The following TMC1 variants were observed in gnomAD, a reference collection of about 807,000 sequenced individuals.
The protein encoded by TMC1 is transmembrane channel like 1, also known as transmembrane channel-like protein 1.
In TMC1, 84 loss-of-function variants were observed where a neutral mutation model predicts 105.8. The ratio of observed to expected loss-of-function variants is 0.79; its 90% CI spans 0.67 to 0.95. TMC1 has a LOEUF of 0.95. Ranked by LOEUF, TMC1 falls within the 40% of genes least tolerant of loss-of-function variation. The probability of loss-of-function intolerance (pLI) is 0.00; values close to 1 mark genes in which losing one functional copy is unlikely to be tolerated. For synonymous variants in TMC1, 315 were observed against 311.5 expected (o/e 1.01, Z -0.12); for missense variants, 817 against 914.1 (o/e 0.89, Z 1.37).
At chr9:72,799,247 T>G (rs1564562902) in intron 17 of TMC1, among the ~76,000 whole-genome samples, 2 of 152,188 alleles carry the variant, frequency 1.3e-5, no homozygotes, top group Admixed American at 1.3e-4. Context: ...ATAAAGCTTC[T>G]GTATGTTAGA....
intron 12 of TMC1, among the ~76,000 whole-genome samples, chr9:72,755,905 C>T (rs1051248464): frequency 3.3e-5 from 5 of 152,122 alleles, no homozygotes; most frequent in East Asian, 1.9e-4. Context: ...CTTTTCAGCC[C>T]GTAATCTAGT....
At chr9:72,794,534 C>G (rs769364874) in intron 17 of TMC1, among the ~76,000 whole-genome samples, 1 of 152,210 alleles carries the variant, frequency 6.6e-6, no homozygotes, top group African/African-American at 2.4e-5. Context: ...ACATACCCCC[C>G]TCTGAAACCA....
chr9:72,747,135 T>G (rs894625399), intron 10 of TMC1, among the ~76,000 whole-genome samples: 1 of 152,176 alleles, frequency 6.6e-6, no homozygotes, highest in Non-Finnish European at 1.5e-5. Flanking sequence ...GAAACCTATT[T>G]TTTTTCAGAC....
intron 1 of TMC1, among the ~76,000 whole-genome samples, chr9:72,549,476 T>C (rs1483084814): frequency 1.3e-5 from 2 of 152,044 alleles, no homozygotes; most frequent in Non-Finnish European, 1.5e-5. Context: ...TGAGTCTCAC[T>C]CTGTCACCCA....
chr9:72,621,305 T>C (rs1442279223), intron 3 of TMC1, among the ~76,000 whole-genome samples: 1 of 152,198 alleles, frequency 6.6e-6, no homozygotes, highest in African/African-American at 2.4e-5. Context: ...TCTCAGGGGA[T>C]CAAGCTACTA....
At chr9:72,730,187 G>A (rs1827186808) in intron 8 of TMC1, among the ~76,000 whole-genome samples, 1 of 152,194 alleles carries the variant, frequency 6.6e-6, no homozygotes, top group African/African-American at 2.4e-5. Flanking sequence ...CCACCTTCTA[G>A]ACAGAAAGGT....
chr9:72,800,838 G>C (rs1172948281), intron 17 of TMC1, among the ~76,000 whole-genome samples: 6 of 152,138 alleles, frequency 3.9e-5, no homozygotes. Flanking sequence ...TGATTAGGCA[G>C]ATGGAATCTC....
At chr9:72,645,519 GGAT>G (rs1825695916) in intron 4 of TMC1, among the ~76,000 whole-genome samples, 1 of 152,100 alleles carries the variant, frequency 6.6e-6, no homozygotes, top group African/African-American at 2.4e-5. Flanking sequence ...ACAGTTTTTT[GGAT>G]GTTCAAGGCA....
intron 5 of TMC1, among the ~76,000 whole-genome samples, chr9:72,674,249 A>C (rs1336803050): frequency 2.6e-5 from 4 of 152,226 alleles, no homozygotes; most frequent in Non-Finnish European, 5.9e-5. Context: ...TCAATACCTC[A>C]ATAGGCTTTT....
intron 1 of TMC1, among the ~76,000 whole-genome samples, chr9:72,543,643 C>T (rs1413041856): frequency 6.6e-6 from 1 of 152,126 alleles, no homozygotes; most frequent in Non-Finnish European, 1.5e-5. Flanking sequence ...ATTAGCTGGG[C>T]ATGGTGGTGG....
At chr9:72,644,823 A>G (rs1825683958) in intron 4 of TMC1, among the ~76,000 whole-genome samples, 2 of 152,206 alleles carry the variant, frequency 1.3e-5, no homozygotes, top group Non-Finnish European at 2.9e-5. Context: ...GCATCAAAGT[A>G]AATGTGTACT....
chr9:72,787,899 G>T (rs1231277724), intron 13 of TMC1, among the ~76,000 whole-genome samples: 1 of 152,072 alleles, frequency 6.6e-6, no homozygotes, highest in East Asian at 1.9e-4. Context: ...CCATCCAGAG[G>T]CTTCAGATGG....
At chr9:72,821,145 CATTCATTGT>C in intron 20 of TMC1, 64 bp downstream of exon 20, 1 of 1,608,110 alleles carries the variant, frequency 6.2e-7, no homozygotes, top group Non-Finnish European at 8.5e-7. Context: ...TGGGAATGGT[CATTCATTGT>C]ATAAGCTATT....
At chr9:72,605,292 G>A (rs1242060861) in intron 2 of TMC1, among the ~76,000 whole-genome samples, 6 of 152,186 alleles carry the variant, frequency 3.9e-5, no homozygotes, top group African/African-American at 9.6e-5. Context: ...AAATTTCTGG[G>A]GATGAGGAAT....
chr9:72,832,203 T>C (rs1337479601), intron 23 of TMC1, among the ~76,000 whole-genome samples: 2 of 152,132 alleles, frequency 1.3e-5, no homozygotes, highest in Non-Finnish European at 2.9e-5. Flanking sequence ...CTTCTCTTTT[T>C]GGCCTCCCAA....
At chr9:72,700,052 G>A (rs1321860818) in intron 7 of TMC1, among the ~76,000 whole-genome samples, 3 of 147,252 alleles carry the variant, frequency 2.0e-5, no homozygotes, top group East Asian at 2.0e-4. Flanking sequence ...TCAGGAGTTC[G>A]AGACCAGCCT....
Position 72,629,872 on chromosome 9 carries a change from T to G in TMC1, c.-53+1809T>G, listed in dbSNP as rs550893931. On this transcript the variant is annotated intron_variant, in intron 4 of 23. Coordinates refer to ENST00000297784, the MANE Select transcript of TMC1 (RefSeq NM_138691.3). ...GTTTTGGGGTATCTGTCTTTTTATT[T>G]TTTATTTTTTTGAGGTGGAGTCTCA... is the stretch of plus-strand genomic sequence containing the variant. Among the ~76,000 whole-genome samples, 18 of 152,224 alleles carry G rather than the reference T, an allele frequency of 1.2e-4. No individual in the cohort carries two copies. In the South Asian group the frequency reaches 2.3e-3, roughly 19 times the overall value.
chr9:72,806,550 A>G (rs199542608), intron 18 of TMC1, among the ~76,000 whole-genome samples: 22,724 of 133,016 alleles, frequency 0.17, 2,071 homozygotes, highest in African/African-American at 0.22. Flanking sequence ...CAGACGGGGC[A>G]GTTGCCGGGC....
intron 5 of TMC1, among the ~76,000 whole-genome samples, chr9:72,657,352 G>C (rs1825900718): frequency 6.6e-6 from 1 of 152,178 alleles, no homozygotes; most frequent in African/African-American, 2.4e-5. Context: ...CCTGAAGAAA[G>C]ATGTTTCATA....
Sources: allele counts gnomAD v4.1 joint callset (sites outside exome capture counted in the v4.1 genomes callset), GRCh38; gene constraint gnomAD v4.1.1; transcripts MANE v1.5; gene names NCBI Gene and HGNC (gene_info 2026-07-23, HGNC 2026-07-21).